Variants in ARL8B observed in about 807,000 individuals in gnomAD.
ARL8B encodes ADP-ribosylation factor-like protein 8B.
A neutral mutation model predicts 30.6 loss-of-function variants in ARL8B; 9 were observed. The observed-to-expected ratio is 0.29, with a 90% CI of 0.18 to 0.51. ARL8B has a LOEUF of 0.51. Among genes scored for constraint, ARL8B ranks in the 20% least tolerant of loss-of-function variants. The pLI, the probability that ARL8B is intolerant of heterozygous loss-of-function variation, is 0.97. For synonymous variants in ARL8B, 74 were observed against 76.0 expected, an observed-to-expected ratio of 0.97 and a Z score of 0.14; for missense variants, 130 against 227.2, an observed-to-expected ratio of 0.57 and a Z score of 2.75.
chr3:5,160,777 CATA>C (rs1466719479), intron 1 of ARL8B, among the ~76,000 whole-genome samples: 1 of 152,212 alleles, frequency 6.6e-6, no homozygotes. Flanking sequence ...ATTTTCATAG[CATA>C]ATGCTGAAGA....
intron 1 of ARL8B, among the ~76,000 whole-genome samples, chr3:5,129,196 TAG>T (rs1356447334): frequency 6.6e-6 from 1 of 152,178 alleles, no homozygotes; most frequent in Non-Finnish European, 1.5e-5. Flanking sequence ...TTTTTCCAGA[TAG>T]AGTCTCGCTC....
intron 1 of ARL8B, among the ~76,000 whole-genome samples, chr3:5,136,568 T>TAA (rs1244697756): frequency 6.6e-6 from 1 of 152,246 alleles, no homozygotes; most frequent in Non-Finnish European, 1.5e-5. Context: ...CCAAGTGTTT[T>TAA]AAGTCTACTC....
At chr3:5,147,855 C>T (rs1301036418) in intron 1 of ARL8B, among the ~76,000 whole-genome samples, 2 of 150,716 alleles carry the variant, frequency 1.3e-5, no homozygotes, top group African/African-American at 2.5e-5. Context: ...TGAGCCTCTA[C>T]AGGAATGCGG....
At chr3:5,156,407 G>C (rs1322565849) in intron 1 of ARL8B, among the ~76,000 whole-genome samples, 1 of 143,328 alleles carries the variant, frequency 7.0e-6, no homozygotes. Context: ...TTTTTTTTCA[G>C]TTGTTCGTTT....
intron 1 of ARL8B, among the ~76,000 whole-genome samples, chr3:5,129,939 C>T (rs2054267414): frequency 1.3e-5 from 2 of 152,194 alleles, no homozygotes; most frequent in Admixed American, 1.3e-4. Flanking sequence ...TCTTGGCTCA[C>T]TGCAACCTCT....
rs112592467 is a variant in ARL8B, at chr3:5,131,950, C to T, written c.123+9362C>T. On this transcript the variant is annotated intron_variant, in intron 1 of 6. Coordinates refer to ENST00000256496, the MANE Select transcript of ARL8B (RefSeq NM_018184.3). Reference sequence around the variant, plus strand: ...CCAAACTGGAGTAAAGTGGCATAATCATGGCTCACTGCTGCCTCAACCTCT... The same window carrying T: ...CCAAACTGGAGTAAAGTGGCATAATTATGGCTCACTGCTGCCTCAACCTCT... Among the ~76,000 whole-genome samples, 368 of 152,330 alleles carry T rather than the reference C, an allele frequency of 2.4e-3. 1 individual carries two copies. Among genetic ancestry groups the T allele is most frequent in the African/African-American group, 8.5e-3 (352 of 41,562 alleles).
At chr3:5,157,578 C>G (rs1407307917) in intron 1 of ARL8B, among the ~76,000 whole-genome samples, 1 of 152,194 alleles carries the variant, frequency 6.6e-6, no homozygotes, top group Non-Finnish European at 1.5e-5. Flanking sequence ...CCACAGTTTT[C>G]TGGTCAGAGA....
rs755951287 is a variant in ARL8B, at chr3:5,172,099, A to G, written c.205-51A>G. 85 of 1,491,950 alleles carry G rather than the reference A, an allele frequency of 5.7e-5. No individual in the cohort carries two copies. The South Asian group carries it at 6.4e-4, about 11-fold the overall frequency. The allele number at this position is 1,491,950 out of a possible 1,614,324, so 92.4% of individuals were successfully genotyped here. On this transcript the variant is annotated intron_variant, in intron 2 of 6. Coordinates refer to ENST00000256496, the MANE Select transcript of ARL8B (RefSeq NM_018184.3). ...TTTTTTTCTGTTACTTCCTCTTGCA[A>G]TCATTTAATTAAAATATCTTTATTA... is the stretch of plus-strand genomic sequence containing the variant.
chr3:5,138,437 A>G (rs1196458431), intron 1 of ARL8B, among the ~76,000 whole-genome samples: 1 of 152,144 alleles, frequency 6.6e-6, no homozygotes, highest in Non-Finnish European at 1.5e-5. Context: ...TTTTGCCACT[A>G]TTTAGCTGTG....
intron 1 of ARL8B, among the ~76,000 whole-genome samples, chr3:5,149,354 C>T (rs1053920750): frequency 6.6e-6 from 1 of 152,220 alleles, no homozygotes; most frequent in Non-Finnish European, 1.5e-5. Context: ...CCCCCTTGAC[C>T]GGAGTTCCAC....
intron 1 of ARL8B, among the ~76,000 whole-genome samples, chr3:5,140,190 G>C (rs894848566): frequency 6.6e-6 from 1 of 152,000 alleles, no homozygotes; most frequent in South Asian, 2.1e-4. Context: ...TGGTTTTGCT[G>C]GGTCCTCACC....
At chr3:5,140,790 C>T (rs901577396) in intron 1 of ARL8B, among the ~76,000 whole-genome samples, 3 of 152,098 alleles carry the variant, frequency 2.0e-5, no homozygotes, top group African/African-American at 7.2e-5. Flanking sequence ...GGGTTACTAC[C>T]AATAACATTC....
intron 1 of ARL8B, among the ~76,000 whole-genome samples, chr3:5,132,445 G>T (rs2054290958): frequency 6.6e-6 from 1 of 152,026 alleles, no homozygotes; most frequent in Non-Finnish European, 1.5e-5. Flanking sequence ...CACTATGTTG[G>T]CCAGGCTGGC....
At chr3:5,135,879 C>G (rs1358538101) in intron 1 of ARL8B, among the ~76,000 whole-genome samples, 1 of 148,686 alleles carries the variant, frequency 6.7e-6, no homozygotes, top group Non-Finnish European at 1.5e-5. Flanking sequence ...CTCCACCTCC[C>G]AGGTTCACGC....
intron 1 of ARL8B, 138 bp downstream of exon 1, chr3:5,122,726 T>C: frequency 1.0e-6 from 1 of 995,724 alleles, no homozygotes; most frequent in Non-Finnish European, 1.4e-6. Flanking sequence ...GCCTGTCATC[T>C]CCCGAGGGCC....
intron 1 of ARL8B, among the ~76,000 whole-genome samples, chr3:5,137,765 T>G (rs2054340528): frequency 1.3e-5 from 2 of 152,240 alleles, no homozygotes; most frequent in African/African-American, 4.8e-5. Context: ...AAACTTTTTA[T>G]TTTTTGTGGC....
intron 1 of ARL8B, among the ~76,000 whole-genome samples, chr3:5,167,348 C>A (rs1318695266): frequency 6.6e-6 from 1 of 152,146 alleles, no homozygotes; most frequent in African/African-American, 2.4e-5. Flanking sequence ...TACCTATGAT[C>A]AACCTCTGAA....
At chr3:5,164,047 G>A (rs564895188) in intron 1 of ARL8B, among the ~76,000 whole-genome samples, 9 of 152,268 alleles carry the variant, frequency 5.9e-5, no homozygotes, top group South Asian at 2.1e-4. Context: ...AAATCTGTAC[G>A]TATTCAAGTC....
rs531354006 is a variant in ARL8B at position 5,147,356 on chromosome 3, T to G, written c.124-23147T>G. On this transcript the variant is annotated intron_variant, in intron 1 of 6. Transcript: ENST00000256496. ...CCCTGCAAAGGACATGAACTCATCCTTTTTTATGGCTGCATAGTATTCCAT... is the reference window on the plus strand; with the variant it reads ...CCCTGCAAAGGACATGAACTCATCCGTTTTTATGGCTGCATAGTATTCCAT... Among the ~76,000 whole-genome samples the G allele has an allele frequency of 8.5e-5, 13 of 152,342 alleles. No individual in the cohort carries two copies. The South Asian group carries it at 2.7e-3, about 32-fold the overall frequency.
Sources: allele counts gnomAD v4.1 joint callset (sites outside exome capture counted in the v4.1 genomes callset), GRCh38; gene constraint gnomAD v4.1.1; transcripts MANE v1.5; gene names NCBI Gene and HGNC (gene_info 2026-07-23, HGNC 2026-07-21).